The following SV2C variants were observed in gnomAD, a reference collection of about 807,000 sequenced individuals.
The protein encoded by SV2C is solute carrier family 22 member B3.
SV2C carries 49 observed loss-of-function variants against 79.7 expected under a neutral mutation model. The observed-to-expected ratio is 0.61, with a 90% confidence interval of 0.49 to 0.78. SV2C has a LOEUF of 0.78. Among genes scored for constraint, SV2C ranks in the 30% least tolerant of loss-of-function variants. The pLI is 0.00. For missense variants in SV2C, 833 were observed against 912.9 expected, an observed-to-expected ratio of 0.91 and a Z score of 1.13; for synonymous variants, 334 against 333.2, an observed-to-expected ratio of 1.00 and a Z score of -0.03.
the SV2C span, among the ~76,000 whole-genome samples, chr5:75,966,074 T>G: frequency 6.6e-6 from 1 of 152,212 alleles, no homozygotes; most frequent in Non-Finnish European, 1.5e-5. Flanking sequence ...CCCACAGTCA[T>G]GTATTTTCAA....
chr5:76,069,501 C>T, the SV2C span, among the ~76,000 whole-genome samples: 1 of 152,198 alleles, frequency 6.6e-6, no homozygotes, highest in African/African-American at 2.4e-5. Context: ...TCCGCTCAGG[C>T]CTCACATTCC....
At chr5:75,987,099 GA>G in the SV2C span, among the ~76,000 whole-genome samples, 1 of 151,916 alleles carries the variant, frequency 6.6e-6, no homozygotes. Context: ...GAAGGACAGG[GA>G]AAATCAATGC....
At chr5:76,352,624 A>G (rs1173116529) in intron 12 of SV2C, among the ~76,000 whole-genome samples, 1 of 152,238 alleles carries the variant, frequency 6.6e-6, no homozygotes, top group African/African-American at 2.4e-5. Context: ...TCAGAACTGT[A>G]AGAAAGAAAT....
chr5:75,881,829 A>C, the SV2C span, among the ~76,000 whole-genome samples: 3 of 149,092 alleles, frequency 2.0e-5, no homozygotes, highest in Non-Finnish European at 3.0e-5. Context: ...AACTTCCAAC[A>C]CTATGTTGAA....
At chr5:76,179,115 G>A (rs1743636644) in intron 2 of SV2C, among the ~76,000 whole-genome samples, 2 of 152,348 alleles carry the variant, frequency 1.3e-5, no homozygotes, top group South Asian at 4.1e-4. Context: ...GAATGTGGGT[G>A]AGAATGTATA....
chr5:76,027,965 T>G, the SV2C span, among the ~76,000 whole-genome samples: 1 of 152,220 alleles, frequency 6.6e-6, no homozygotes, highest in Non-Finnish European at 1.5e-5. Flanking sequence ...CAAGTGCATG[T>G]GTTATCAGTA....
intron 10 of SV2C, among the ~76,000 whole-genome samples, 162 bp from the exon 11 acceptor site, chr5:76,300,567 T>C (rs1243033733): frequency 6.6e-6 from 1 of 152,178 alleles, no homozygotes; most frequent in Non-Finnish European, 1.5e-5. Flanking sequence ...GACTAGATCC[T>C]ATGCTTTGGC....
At chr5:76,012,066 T>C in the SV2C span, among the ~76,000 whole-genome samples, 86,350 of 151,982 alleles carry the variant, frequency 0.57, 24,876 homozygotes, top group Middle Eastern at 0.67. Flanking sequence ...GCCCAATAAA[T>C]ATACATGTGC....
intron 2 of SV2C, among the ~76,000 whole-genome samples, chr5:76,183,260 G>A (rs2112304665): frequency 6.6e-6 from 1 of 151,776 alleles, no homozygotes; most frequent in South Asian, 2.1e-4. Context: ...CCTGACCTCA[G>A]GTGGTCTGCC....
chr5:76,281,979 AG>A (rs1288645582), intron 4 of SV2C, among the ~76,000 whole-genome samples: 1 of 152,224 alleles, frequency 6.6e-6, no homozygotes, highest in Admixed American at 6.5e-5. Flanking sequence ...TTTAGGGGTG[AG>A]GGAATATTCT....
chr5:76,335,414 C>CT (rs869230352), downstream of SV2C, among the ~76,000 whole-genome samples: 1,398 of 98,090 alleles, frequency 0.014, 29 homozygotes, highest in Middle Eastern at 0.02. Flanking sequence ...ACACATTTTC[C>CT]TTTTTTTTTT....
rs1269345007 is a variant in SV2C at position 76,333,815 on chromosome 5, C to T, written c.*8268C>T. ...TGCTCCATGTGGGATGGCTCGTGTA[C>T]AGCATAAATCTATCAAACTTGGAAT... On this transcript the variant is annotated 3_prime_UTR_variant, in exon 13 of 13. Transcript: ENST00000502798. 6.6e-6 allele frequency: 1 copy of T among 152,162 alleles called. No individual in the cohort carries two copies. The highest frequency in any genetic ancestry group is 1.9e-4 in the East Asian group (1 of 5,198). 9.4% of individuals were successfully genotyped at this position (152,162 alleles called of 1,614,324 possible).
intron 1 of SV2C, among the ~76,000 whole-genome samples, chr5:76,107,779 A>G (rs542109283): frequency 2.6e-5 from 4 of 152,280 alleles, no homozygotes; most frequent in East Asian, 1.9e-4. Context: ...ACTCAAACCC[A>G]TGAGTCGAGG....
At chr5:76,064,241 A>G in the SV2C span, among the ~76,000 whole-genome samples, 3 of 152,140 alleles carry the variant, frequency 2.0e-5, no homozygotes, top group Non-Finnish European at 2.9e-5. Context: ...TGGAGGAGAA[A>G]GATTCCAGAT....
At chr5:76,018,890 A>G in the SV2C span, among the ~76,000 whole-genome samples, 33 of 152,212 alleles carry the variant, frequency 2.2e-4, no homozygotes, top group Non-Finnish European at 4.1e-4. Flanking sequence ...GTAAAACTAC[A>G]GTTATTCTTT....
At chr5:75,876,158 T>A in the SV2C span, among the ~76,000 whole-genome samples, 1 of 151,974 alleles carries the variant, frequency 6.6e-6, no homozygotes, top group Non-Finnish European at 1.5e-5. Flanking sequence ...AGCAAAGACA[T>A]GGAATCAACC....
the SV2C span, chr5:75,920,900 G>T: frequency 1.3e-6 from 1 of 744,044 alleles, no homozygotes; most frequent in Non-Finnish European, 2.5e-6. Context: ...GGGTCAGCAG[G>T]CCCTGCAGGC....
the SV2C span, among the ~76,000 whole-genome samples, chr5:76,068,964 T>C: frequency 6.6e-6 from 1 of 152,134 alleles, no homozygotes; most frequent in Non-Finnish European, 1.5e-5. Flanking sequence ...TAATACCATC[T>C]GCAAAGTATA....
At chr5:76,227,096 G>A (rs1446469892) in intron 4 of SV2C, among the ~76,000 whole-genome samples, 1 of 152,176 alleles carries the variant, frequency 6.6e-6, no homozygotes, top group African/African-American at 2.4e-5. Context: ...TGATTGGCAG[G>A]CGATGACACC....
Sources: gnomAD v4.1 joint callset for allele counts (sites outside exome capture counted in the v4.1 genomes callset) on GRCh38, gnomAD v4.1.1 for gene constraint, MANE v1.5 for transcripts, NCBI Gene and HGNC (gene_info 2026-07-23, HGNC 2026-07-21) for gene names.